PTGER3: variants seen among roughly 807,000 people sequenced by gnomAD.
PTGER3 encodes the protein prostaglandin E2 receptor EP3 subtype.
Under a neutral mutation model 34.7 loss-of-function variants are expected in PTGER3, and 22 were observed. That is an observed-to-expected ratio of 0.63 (90% CI 0.45 to 0.91). The LOEUF (loss-of-function observed/expected upper bound fraction) is 0.91. Ranked by LOEUF, PTGER3 falls within the 40% of genes least tolerant of loss-of-function variation. The pLI is 0.00. For missense variants in PTGER3, 468 were observed against 519.4 expected, an observed-to-expected ratio of 0.90 and a Z score of 0.96; for synonymous variants, 241 against 230.1, an observed-to-expected ratio of 1.05 and a Z score of -0.43.
intron 4 of PTGER3, among the ~76,000 whole-genome samples, chr1:70,910,857 C>A (rs565273235): frequency 3.2e-4 from 48 of 152,050 alleles, no homozygotes; most frequent in African/African-American, 1.1e-3. Context: ...CCGAGGCAGG[C>A]GGATCACGAG....
downstream of PTGER3, among the ~76,000 whole-genome samples, chr1:70,951,743 T>C (rs1650777472): frequency 6.6e-6 from 1 of 152,160 alleles, no homozygotes. Context: ...GCACTGTGCT[T>C]GGTAGATTCA....
At chr1:70,886,281 A>G (rs1009346439) in intron 4 of PTGER3, 1 of 452,026 alleles carries the variant, frequency 2.2e-6, no homozygotes, top group African/African-American at 2.0e-5. Context: ...CACTCACCAG[A>G]CACCGAATCT....
chr1:71,039,035 C>T lies in PTGER3; in HGVS notation c.897+7646G>A, dbSNP rs114234868. Among the ~76,000 whole-genome samples, 1,093 of 152,302 alleles carry T rather than the reference C, an allele frequency of 7.2e-3. 16 individuals are homozygous for T. The highest frequency in any genetic ancestry group is 0.025 in the African/African-American group (1,053 of 41,552). Reference sequence around the variant, plus strand: ...GGAAGACGACCCTGACTGGAAAGAGCTCACATGAGAGGCTGTGGGTGCTAG... The same window carrying T: ...GGAAGACGACCCTGACTGGAAAGAGTTCACATGAGAGGCTGTGGGTGCTAG... On this transcript the variant is annotated intron_variant, in intron 1 of 3. Transcript: ENST00000306666.
At chr1:70,980,444 T>C (rs561686950) in intron 2 of PTGER3, among the ~76,000 whole-genome samples, 97 of 152,168 alleles carry the variant, frequency 6.4e-4, no homozygotes, top group Non-Finnish European at 1.0e-3. Flanking sequence ...ATAAAGGTTG[T>C]AACTACCCCT....
chr1:70,862,537 G>T, intron 4 of PTGER3: 1 of 406,448 alleles, frequency 2.5e-6, no homozygotes, highest in South Asian at 2.2e-5. Context: ...GAGTCTCATG[G>T]CTTTGACTTA....
Position 70,981,380 on chromosome 1 carries a change from TTTCTTTCTTTCTTTCC to T in PTGER3, c.1078-7008_1078-6993del, listed in dbSNP as rs1488772275. On this transcript the variant is annotated intron_variant, in intron 2 of 3. Coordinates refer to ENST00000306666, the MANE Select transcript of PTGER3 (RefSeq NM_198719.2). ...CTTTCTTTCTTTCTTTCTTTCTTTCTTTCTTTCTTTCTTTCCTTCCTTCCTTCCTTCCTTCCTTCTT... is the reference window on the plus strand; with the variant it reads ...CTTTCTTTCTTTCTTTCTTTCTTTCTTTCCTTCCTTCCTTCCTTCCTTCTT... Among the ~76,000 whole-genome samples the T allele has an allele frequency of 6.3e-3, 421 of 66,648 alleles. 2 individuals are homozygous for T. Among genetic ancestry groups the T allele is most frequent in the South Asian group, 0.018 (34 of 1,848 alleles). The allele number at this position is 66,648 out of a possible 152,430, so 43.7% of individuals were successfully genotyped here. A position where few individuals can be genotyped will look rare whatever the true frequency, so the allele number is the denominator to read the frequency against.
At chr1:70,974,505 A>G in intron 2 of PTGER3, 117 bp from the exon 3 acceptor site, 1 of 632,818 alleles carries the variant, frequency 1.6e-6, no homozygotes, top group Admixed American at 2.5e-5. Flanking sequence ...TGTTTTAGAT[A>G]TTACCTTCCT....
chr1:70,990,828 A>G (rs943343379), intron 2 of PTGER3, among the ~76,000 whole-genome samples: 1 of 152,172 alleles, frequency 6.6e-6, no homozygotes, highest in Non-Finnish European at 1.5e-5. Context: ...ACAATCATAT[A>G]ATATGGAGAT....
intron 2 of PTGER3, among the ~76,000 whole-genome samples, chr1:70,981,320 C>CTTCTTTCT (rs57513190): frequency 2.8e-5 from 2 of 71,384 alleles, no homozygotes; most frequent in Admixed American, 1.3e-4. Context: ...TCCTTCCTTT[C>CTTCTTTCT]TTCTTTCTTT....
At chr1:70,870,912 C>G (rs2100540946) in intron 4 of PTGER3, among the ~76,000 whole-genome samples, 1 of 152,308 alleles carries the variant, frequency 6.6e-6, no homozygotes, top group Admixed American at 6.5e-5. Flanking sequence ...AAGTTTACCT[C>G]ATCTTCCTGT....
At chr1:70,926,013 T>C (rs1189719007) in intron 4 of PTGER3, among the ~76,000 whole-genome samples, 1 of 152,156 alleles carries the variant, frequency 6.6e-6, no homozygotes, top group Non-Finnish European at 1.5e-5. Flanking sequence ...AGGCAAAGGA[T>C]GTCACTGATA....
At chr1:71,012,626 A>G in intron 1 of PTGER3, 142 bp from the exon 2 acceptor site, 1 of 704,076 alleles carries the variant, frequency 1.4e-6, no homozygotes, top group Non-Finnish European at 2.3e-6. Flanking sequence ...TTATACTTGG[A>G]TAACACAGTC....
At chr1:70,948,336 AC>A (rs1465415864), downstream of PTGER3, among the ~76,000 whole-genome samples, 3 of 152,068 alleles carry the variant, frequency 2.0e-5, no homozygotes, top group East Asian at 5.8e-4. Context: ...ACTTTTCCCC[AC>A]CCTGCTTTGC....
chr1:70,898,538 G>A (rs558588208), intron 4 of PTGER3, among the ~76,000 whole-genome samples: 122 of 152,058 alleles, frequency 8.0e-4, no homozygotes, highest in Non-Finnish European at 1.5e-3. Context: ...TTACCCCTCT[G>A]CACTGTAACT....
In PTGER3 at chr1:71,046,902, C is replaced by A. The variant is rs780510896; in HGVS notation, c.676G>T (p.Gly226Cys). The A allele has an allele frequency of 6.2e-7, 1 of 1,612,302 alleles. No homozygotes were observed. The highest frequency in any genetic ancestry group is 1.3e-5 in the African/African-American group (1 of 75,060). The change falls in exon 1 of 4, where the codon GGC becomes TGC. Residue 226 changes from glycine (G) to cysteine (C), a missense_variant. By Grantham distance (159) the Gly-to-Cys change is radical (BLOSUM62 -3). Around this residue, in one of 5 missense-constraint regions of PTGER3, gnomAD observed 204 missense variants for 230.8 expected, o/e 0.88. Coordinates refer to ENST00000306666, the MANE Select transcript of PTGER3 (RefSeq NM_198719.2). Reference sequence around the variant, plus strand: ...AAGGCAGAGGCGAAGAAAAGGTTGCCCCAGTTATGCGAAGAGCTAGTCCCG... The same window carrying A: ...AAGGCAGAGGCGAAGAAAAGGTTGCACCAGTTATGCGAAGAGCTAGTCCCG... ...GNGTSSSHNWGNLFFASAFAF... is the reference protein window; with the variant it reads ...GNGTSSSHNWCNLFFASAFAF...
chr1:70,977,516 T>G (rs939512236), intron 2 of PTGER3, among the ~76,000 whole-genome samples: 2 of 152,056 alleles, frequency 1.3e-5, no homozygotes, highest in Non-Finnish European at 2.9e-5. Context: ...CCTGAATAAC[T>G]GAGGACTATG....
At chr1:70,929,499 A>C (rs493489) in intron 4 of PTGER3, among the ~76,000 whole-genome samples, 140,632 of 152,232 alleles carry the variant, frequency 0.92, 65,099 homozygotes, top group East Asian at 1. Flanking sequence ...TTACTGGTCA[A>C]CCTGGTTAAT....
intron 1 of PTGER3, among the ~76,000 whole-genome samples, chr1:71,032,428 T>G (rs924885923): frequency 1.3e-5 from 2 of 152,244 alleles, no homozygotes; most frequent in Non-Finnish European, 2.9e-5. Flanking sequence ...TGCTTCAAGA[T>G]GATGTATTCA....
intron 4 of PTGER3, among the ~76,000 whole-genome samples, chr1:70,884,269 C>G (rs1259901365): frequency 6.6e-6 from 1 of 152,188 alleles, no homozygotes; most frequent in South Asian, 2.1e-4. Context: ...AAGATATCCA[C>G]CCCCTGGTAT....
Sources: allele counts gnomAD v4.1 joint callset (sites outside exome capture counted in the v4.1 genomes callset), GRCh38; gene constraint gnomAD v4.1.1; regional missense constraint gnomAD v4.1.1; transcripts MANE v1.5; gene names NCBI Gene and HGNC (gene_info 2026-07-23, HGNC 2026-07-21).